Variants in ATM observed in about 807,000 individuals in gnomAD.
ATM encodes ATM serine/threonine kinase.
A neutral mutation model predicts 387.0 loss-of-function variants in ATM; 308 were observed. That is an observed-to-expected ratio of 0.80 (90% CI 0.73 to 0.87). The LOEUF is 0.87. Among genes scored for constraint, ATM ranks in the 40% least tolerant of loss-of-function variants. The pLI is 0.00. For missense variants in ATM, 3,312 were observed against 3,560.9 expected (o/e 0.93, Z 1.78); for synonymous variants, 1,156 against 1,187.3 (o/e 0.97, Z 0.54).
chr11:108,302,803 C>T, intron 35 of ATM, 50 bp from the exon 36 acceptor site: 1 of 1,517,344 alleles, frequency 6.6e-7, no homozygotes, highest in Non-Finnish European at 9.1e-7. Context: ...AGGAAAGGTA[C>T]AATGATTTCC....
intron 42 of ATM, 78 bp from the exon 43 acceptor site, chr11:108,317,295 A>G (rs1344455559): frequency 1.4e-6 from 2 of 1,452,412 alleles, no homozygotes; most frequent in Non-Finnish European, 1.9e-6. Context: ...GTTAATTTGT[A>G]TCTTTGCTGT....
chr11:108,263,504 A>G (rs1222275653), intron 16 of ATM, among the ~76,000 whole-genome samples: 2 of 130,824 alleles, frequency 1.5e-5, no homozygotes, highest in South Asian at 3.0e-4. Context: ...AGGGAAATTT[A>G]TAGCACTAAA....
chr11:108,252,757 T>C (rs764019759), intron 11 of ATM, 60 bp from the exon 12 acceptor site: 733 of 1,172,124 alleles, frequency 6.3e-4, no homozygotes, highest in Non-Finnish European at 7.0e-4. Context: ...TGTTAAAGTT[T>C]AAAGTATTCT....
At chr11:108,267,726 G>A (rs925138715) in intron 17 of ATM, among the ~76,000 whole-genome samples, 10 of 152,060 alleles carry the variant, frequency 6.6e-5, no homozygotes, top group Non-Finnish European at 1.3e-4. Flanking sequence ...GCGTGGTGGC[G>A]GGCGCCTGTA....
intron 5 of ATM, among the ~76,000 whole-genome samples, chr11:108,237,669 A>G (rs2079346381): frequency 6.6e-6 from 1 of 152,124 alleles, no homozygotes; most frequent in Non-Finnish European, 1.5e-5. Context: ...AGCCATGACT[A>G]TGGATGAGAT....
chr11:108,281,051 T>C lies in ATM; in HGVS notation c.3459T>C (p.Val1153=). 1 of 1,613,876 alleles carries C rather than the reference T, an allele frequency of 6.2e-7. No homozygotes were observed. The highest frequency in any genetic ancestry group is 1.1e-5 in the South Asian group (1 of 91,044). The stretch of plus-strand genomic sequence containing the variant: ...ATGAAATTTATAATAGAAAATCTGT[T>C]TTACTGACGTTGATAGCTGTGGTTT... ...TLDEIYNRKS[V]LLTLIAVVLS... is the part of the protein sequence containing the mutation. Residue 1153 remains valine, a synonymous_variant, in exon 24 of 63, where the codon GTT becomes GTC. Transcript: ENST00000675843.
chr11:108,356,678 A>C (rs1159440544), intron 61 of ATM, among the ~76,000 whole-genome samples: 3 of 152,162 alleles, frequency 2.0e-5, no homozygotes, highest in African/African-American at 7.2e-5. Context: ...AGTTTCTTCC[A>C]GTACTTGTAT....
chr11:108,294,354 A>G (rs1354662821), intron 31 of ATM, among the ~76,000 whole-genome samples: 6 of 152,376 alleles, frequency 3.9e-5, no homozygotes, highest in African/African-American at 9.6e-5. Flanking sequence ...ATGTAAAGTT[A>G]TACTACTAAA....
chr11:108,327,540 C>G, intron 47 of ATM, 105 bp from the exon 48 acceptor site: 1 of 908,954 alleles, frequency 1.1e-6, no homozygotes, highest in Non-Finnish European at 1.7e-6. Flanking sequence ...TTCCCACCCA[C>G]CAAGGAAAAA....
At chr11:108,329,301 A>G (rs1053188840) in intron 49 of ATM, 63 bp downstream of exon 49, 9 of 1,421,482 alleles carry the variant, frequency 6.3e-6, no homozygotes, top group Middle Eastern at 2.0e-4. Flanking sequence ...GTGTTTTTGC[A>G]TAGAAAGAGT....
rs1027667991 is a variant in ATM, at chr11:108,354,891, G to A, written c.8850+17G>A. ...ATTGTAGAGGTAAAGTATTTTATAA[G>A]GAAGACTTTATTTTTTTTCTTACCA... On this transcript the variant is annotated intron_variant, in intron 61 of 62. Transcript: ENST00000675843. 8 of 1,600,058 alleles carry A rather than the reference G, an allele frequency of 5.0e-6. No homozygotes were observed. The highest frequency in any genetic ancestry group is 2.7e-5 in the African/African-American group (2 of 74,620).
chr11:108,270,953 C>T (rs1244113340), intron 18 of ATM, 111 bp from the exon 19 acceptor site: 2 of 868,134 alleles, frequency 2.3e-6, no homozygotes, highest in Non-Finnish European at 3.8e-6. Context: ...TTCAGCCTCC[C>T]AAAGTGCTGG....
intron 39 of ATM, among the ~76,000 whole-genome samples, chr11:108,311,088 C>T (rs1427721328): frequency 6.6e-6 from 1 of 152,132 alleles, no homozygotes; most frequent in Non-Finnish European, 1.5e-5. Context: ...CTGCCTCAGC[C>T]TCCAAGTAGC....
At position 108,230,221 on chromosome 11, in the gene ATM, G is replaced by T. The variant is rs145682421; in HGVS notation, c.331+898G>T. On this transcript the variant is annotated intron_variant, in intron 4 of 62. Transcript: ENST00000675843. ...ACCTGAGGTCAGGAGATCGAGACCA[G>T]CCTGACCAACATGGCAAAACCCCGT... 1,385 of 152,226 alleles carry T rather than the reference G, an allele frequency of 9.1e-3. 23 individuals carry two copies. Among genetic ancestry groups the T allele is most frequent in the African/African-American group, 0.031 (1,293 of 41,520 alleles). 9.4% of individuals were successfully genotyped at this position (152,226 alleles called of 1,614,324 possible).
At chr11:108,336,819 A>G (rs926943820) in intron 56 of ATM, among the ~76,000 whole-genome samples, 4 of 152,214 alleles carry the variant, frequency 2.6e-5, no homozygotes, top group Admixed American at 2.6e-4. Flanking sequence ...GTCACATTCT[A>G]TGAGCTGATC....
intron 16 of ATM, among the ~76,000 whole-genome samples, chr11:108,261,733 G>T (rs1348824804): frequency 2.0e-5 from 3 of 151,862 alleles, no homozygotes; most frequent in African/African-American, 7.3e-5. Context: ...TGAAAACTTT[G>T]AAAAAAATTT....
chr11:108,274,764 T>C (rs1006827705), intron 22 of ATM, among the ~76,000 whole-genome samples: 2 of 152,222 alleles, frequency 1.3e-5, no homozygotes, highest in Non-Finnish European at 2.9e-5. Flanking sequence ...TTGCATTTGC[T>C]GAGGTTTGTT....
At chr11:108,328,846 G>T (rs753554239) in intron 48 of ATM, among the ~76,000 whole-genome samples, 175 bp from the exon 49 acceptor site, 7 of 152,322 alleles carry the variant, frequency 4.6e-5, no homozygotes, top group Non-Finnish European at 8.8e-5. Flanking sequence ...AAGCCGTCCT[G>T]GGCCACATGC....
At chr11:108,355,928 G>C (rs892934398) in intron 61 of ATM, 1 of 152,162 alleles carries the variant, frequency 6.6e-6, no homozygotes, top group Non-Finnish European at 1.5e-5. Flanking sequence ...ATCTCCTTTG[G>C]ACTGCAGATG....
Sources: allele counts gnomAD v4.1 joint callset (sites outside exome capture counted in the v4.1 genomes callset), GRCh38; gene constraint gnomAD v4.1.1; transcripts MANE v1.5; gene names NCBI Gene and HGNC (gene_info 2026-07-23, HGNC 2026-07-21).